The following PHC2 variants were observed in gnomAD, a reference collection of about 807,000 sequenced individuals.
The protein encoded by PHC2 is polyhomeotic-like protein 2.
In PHC2, 29 loss-of-function variants were observed where a neutral mutation model predicts 87.4. The observed-to-expected ratio is 0.33, with a 90% CI of 0.25 to 0.45. The LOEUF is 0.45. Among genes scored for constraint, PHC2 ranks in the 20% least tolerant of loss-of-function variants. The pLI, the probability that PHC2 is intolerant of heterozygous loss-of-function variation, is 1.00. For synonymous variants in PHC2, 438 were observed against 461.7 expected (o/e 0.95, Z 0.66); for missense variants, 857 against 1,136.7 (o/e 0.75, Z 3.54).
intron 7 of PHC2, among the ~76,000 whole-genome samples, chr1:33,363,412 G>C (rs1277071702): frequency 6.6e-6 from 1 of 152,212 alleles, no homozygotes; most frequent in African/African-American, 2.4e-5. Context: ...CTAAGTAAAA[G>C]TGTGCTTGCA....
At chr1:33,365,005 G>T (rs1647365053) in intron 7 of PHC2, among the ~76,000 whole-genome samples, 1 of 152,244 alleles carries the variant, frequency 6.6e-6, no homozygotes, top group Non-Finnish European at 1.5e-5. Context: ...AGGAAAGGCT[G>T]AGGAGGCCCC....
rs113342786 is a variant in PHC2 at position 33,405,048 on chromosome 1, T to C, written c.-55+25928A>G. On this transcript the variant is annotated intron_variant, in intron 1 of 14. Transcript: ENST00000683057. ...GGCTTTGTTTACCCAGAGTAAGAAA[T>C]TGGAGTTCATTTATTTAAAAAAGTA... 1.7e-3 allele frequency among the ~76,000 whole-genome samples: 255 copies of C among 152,292 alleles called. 4 individuals carry two copies. The highest frequency in any genetic ancestry group is 5.0e-3 in the African/African-American group (209 of 41,558).
intron 7 of PHC2, among the ~76,000 whole-genome samples, chr1:33,360,527 T>C (rs1280532787): frequency 6.6e-6 from 1 of 152,212 alleles, no homozygotes; most frequent in Admixed American, 6.5e-5. Context: ...GTTCTGTAAA[T>C]GGTGACACAT....
At chr1:33,370,043 G>A (rs1464480083) in intron 5 of PHC2, among the ~76,000 whole-genome samples, 1 of 152,126 alleles carries the variant, frequency 6.6e-6, no homozygotes, top group Admixed American at 6.5e-5. Flanking sequence ...ATGGTGGGAA[G>A]GGGAAGACTC....
intron 1 of PHC2, among the ~76,000 whole-genome samples, chr1:33,376,232 G>C (rs192692928): frequency 6.6e-6 from 1 of 152,074 alleles, no homozygotes; most frequent in Non-Finnish European, 1.5e-5. Context: ...ACAGGGTTTC[G>C]CCATGTTGGC....
intron 1 of PHC2, among the ~76,000 whole-genome samples, chr1:33,427,528 C>T (rs1650728601): frequency 6.6e-6 from 1 of 152,102 alleles, no homozygotes; most frequent in African/African-American, 2.4e-5. Context: ...TTCTTATCGG[C>T]ATCTCATGCC....
At chr1:33,409,712 C>T (rs1649908117) in intron 1 of PHC2, among the ~76,000 whole-genome samples, 2 of 152,138 alleles carry the variant, frequency 1.3e-5, no homozygotes, top group Admixed American at 6.5e-5. Flanking sequence ...CCCACTTGGT[C>T]CATACATAGG....
At chr1:33,351,138 A>G (rs1646963914) in intron 9 of PHC2, among the ~76,000 whole-genome samples, 1 of 152,228 alleles carries the variant, frequency 6.6e-6, no homozygotes, top group Non-Finnish European at 1.5e-5. Context: ...CTGTGGCAAC[A>G]ACTCATCTCT....
rs188067525 is a variant in PHC2 at position 33,332,629 on chromosome 1, C to T, written c.1762-225G>A. 1.8e-4 allele frequency: 95 copies of T among 540,898 alleles called. No individual in the cohort carries two copies. The highest frequency in any genetic ancestry group is 1.6e-3 in the African/African-American group (86 of 52,672). 33.5% of individuals were successfully genotyped at this position (540,898 alleles called of 1,614,324 possible). ...GCAAAGTACAGGGATGGCTTCTGTCCAGGACCAACGGATGGCTCAGGAGAT... is the reference window on the plus strand; with the variant it reads ...GCAAAGTACAGGGATGGCTTCTGTCTAGGACCAACGGATGGCTCAGGAGAT... On this transcript the variant is annotated intron_variant, in intron 10 of 14. Transcript: ENST00000683057. The surrounding 1 kb of genome is among the most constrained non-coding windows in gnomAD (Gnocchi z 4.2).
At chr1:33,344,606 T>C (rs980716004) in intron 9 of PHC2, among the ~76,000 whole-genome samples, 2 of 152,146 alleles carry the variant, frequency 1.3e-5, no homozygotes, top group Non-Finnish European at 2.9e-5. Context: ...TCAAATTTTT[T>C]TATTTTTTAT....
chr1:33,328,871 TG>T lies in PHC2; in HGVS notation c.2423del (p.Pro808GlnfsTer6). 6.2e-7 allele frequency: 1 copy of T among 1,603,306 alleles called. No individual in the cohort carries two copies. The highest frequency in any genetic ancestry group is 1.3e-5 in the African/African-American group (1 of 74,832). Reference sequence around the variant, plus strand: ...ACATGGAATTTCCAAGGGCCTTACCTGGCAGAGAGCGGATGAATTCGTAGAC... The same window carrying T: ...ACATGGAATTTCCAAGGGCCTTACCTGCAGAGAGCGGATGAATTCGTAGAC... ...EDVYEFIRSL[P>X]GCQEIAEEFR... is the part of the protein sequence containing the mutation. On this transcript the variant is annotated frameshift_variant and splice_region_variant, in exon 14 of 15. Transcript: ENST00000683057. LOFTEE classifies it high-confidence loss of function.
intron 1 of PHC2, among the ~76,000 whole-genome samples, chr1:33,426,143 C>T (rs960180673): frequency 6.6e-6 from 1 of 152,222 alleles, no homozygotes; most frequent in Non-Finnish European, 1.5e-5. Context: ...CTAATTGGTT[C>T]TCAGTTCACT....
intron 2 of PHC2, 63 bp downstream of exon 2, chr1:33,375,303 C>A: frequency 7.4e-7 from 1 of 1,350,434 alleles, no homozygotes; most frequent in Non-Finnish European, 1.0e-6. Flanking sequence ...ATGCCAACAC[C>A]TCCTCCTTGC....
intron 7 of PHC2, among the ~76,000 whole-genome samples, chr1:33,356,274 T>TATATATATATATATATATATATATATAC (rs1647078573): frequency 1.3e-5 from 1 of 76,178 alleles, no homozygotes; most frequent in African/African-American, 5.4e-5. Context: ...TATATATATA[T>TATATATATATATATATATATATATATAC]ATGTATATAT....
chr1:33,329,923 A>G, intron 13 of PHC2, 148 bp downstream of exon 13: 1 of 829,086 alleles, frequency 1.2e-6, no homozygotes, highest in African/African-American at 1.7e-5. Flanking sequence ...TGGGGTGCAG[A>G]AGGCTCGACT....
At chr1:33,335,309 T>C in intron 9 of PHC2, 1 of 985,420 alleles carries the variant, frequency 1.0e-6, no homozygotes, top group Non-Finnish European at 1.2e-6. Context: ...GGCTGTTCTC[T>C]ACCACCATCA....
At chr1:33,357,388 AAATTCCAAGCAG>A (rs968535626) in intron 7 of PHC2, among the ~76,000 whole-genome samples, 1 of 152,218 alleles carries the variant, frequency 6.6e-6, no homozygotes, top group African/African-American at 2.4e-5. Context: ...GCCCAACGTG[AAATTCCAAGCAG>A]AATTCCAATA....
At chr1:33,347,888 C>G in intron 9 of PHC2, 1 of 187,956 alleles carries the variant, frequency 5.3e-6, no homozygotes, top group Non-Finnish European at 9.9e-6. Flanking sequence ...TCCCGCCTTG[C>G]AGGGGCTGGA....
rs367565240 is a variant in PHC2 at position 33,328,245 on chromosome 1, C to G, written c.2425+625G>C. On this transcript the variant is annotated intron_variant, in intron 14 of 14. Coordinates refer to ENST00000683057, the MANE Select transcript of PHC2 (RefSeq NM_001385109.1). ...CACTTGTGCTCCACCACGCAGGGCT[C>G]TGTGCCATGTCTGGCCATACCACAG... Among the ~76,000 whole-genome samples the G allele has an allele frequency of 1.1e-4, 16 of 152,330 alleles. 1 individual carries two copies. The South Asian group carries it at 3.3e-3, about 32-fold the overall frequency.
Sources: gnomAD v4.1 joint callset for allele counts (sites outside exome capture counted in the v4.1 genomes callset) on GRCh38, gnomAD v4.1.1 for gene constraint, Gnocchi (gnomAD v3.1) non-coding constraint, MANE v1.5 for transcripts, NCBI Gene and HGNC (gene_info 2026-07-23, HGNC 2026-07-21) for gene names.